KCNE2: variants seen among roughly 807,000 people sequenced by gnomAD.
The protein encoded by KCNE2 is potassium voltage-gated channel subfamily E member 2.
KCNE2 carries 4 observed loss-of-function variants against 4.5 expected under a neutral mutation model. The observed-to-expected ratio is 0.89, with a 90% CI of 0.44 to 2.03. KCNE2 has a LOEUF of 2.03. Among genes scored for constraint, KCNE2 ranks in the 30% most tolerant of loss-of-function variants. KCNE2 has a pLI of 0.03. For synonymous variants in KCNE2, 57 were observed against 55.9 expected (o/e 1.02, Z -0.09); for missense variants, 137 against 151.4 (o/e 0.90, Z 0.50).
At position 34,368,738 on chromosome 21, in the gene KCNE2, T is replaced by C. The variant is rs116609669; in HGVS notation, c.-12-1729T>C. 3.1e-3 allele frequency among the ~76,000 whole-genome samples: 476 copies of C among 152,316 alleles called. 3 individuals carry two copies. The highest frequency in any genetic ancestry group is 0.011 in the African/African-American group (447 of 41,544). On this transcript the variant is annotated intron_variant, in intron 1 of 1. Transcript: ENST00000290310. ...AAACAGAATATAAATGAGTCATTGC[T>C]CCATTTAACTGACATTTGTTGAGTG... is the stretch of plus-strand genomic sequence containing the variant.
At chr21:34,366,840 T>G (rs1979323126) in intron 1 of KCNE2, among the ~76,000 whole-genome samples, 1 of 150,484 alleles carries the variant, frequency 6.6e-6, no homozygotes, top group South Asian at 2.1e-4. Flanking sequence ...TTAGCCGGGC[T>G]TCGTGGCGGG....
At chr21:34,366,780 C>T (rs931920203) in intron 1 of KCNE2, among the ~76,000 whole-genome samples, 6 of 151,626 alleles carry the variant, frequency 4.0e-5, no homozygotes, top group African/African-American at 7.3e-5. Flanking sequence ...GAGATCGAGA[C>T]CATCCTGGCT....
At chr21:34,367,459 G>T (rs1353707836) in intron 1 of KCNE2, among the ~76,000 whole-genome samples, 1 of 152,166 alleles carries the variant, frequency 6.6e-6, no homozygotes, top group Non-Finnish European at 1.5e-5. Flanking sequence ...AATATGCTTG[G>T]TATATACCCT....
intron 1 of KCNE2, among the ~76,000 whole-genome samples, chr21:34,369,277 C>G (rs59680944): frequency 6.6e-6 from 1 of 152,182 alleles, no homozygotes; most frequent in East Asian, 1.9e-4. Context: ...TGGCTGTGCA[C>G]GGTGGCTGAC....
chr21:34,368,448 AC>A (rs1434948427), intron 1 of KCNE2, among the ~76,000 whole-genome samples: 144 of 151,524 alleles, frequency 9.5e-4, no homozygotes, highest in African/African-American at 3.2e-3. Flanking sequence ...AAAATACAAA[AC>A]ATTAGCCAGG....
At chr21:34,367,614 T>C (rs528353053) in intron 1 of KCNE2, among the ~76,000 whole-genome samples, 2 of 152,310 alleles carry the variant, frequency 1.3e-5, no homozygotes, top group South Asian at 4.1e-4. Flanking sequence ...GTGATGGTAA[T>C]TCTCAATGAG....
chr21:34,364,615 C>CA (rs879548059), intron 1 of KCNE2, among the ~76,000 whole-genome samples: 6 of 151,424 alleles, frequency 4.0e-5, no homozygotes, highest in East Asian at 3.9e-4. Context: ...ACTAAAAATA[C>CA]AAAAAAAATT....
rs551483595 is a variant in KCNE2 at position 34,370,911 on chromosome 21, C to G, written c.*61C>G. ...CAGACATGAAGAGATGCCAGTGCCACGAGGCAAATCCAAATTGTCTTTGCT... is the reference window on the plus strand; with the variant it reads ...CAGACATGAAGAGATGCCAGTGCCAGGAGGCAAATCCAAATTGTCTTTGCT... On this transcript the variant is annotated 3_prime_UTR_variant, in exon 2 of 2. Coordinates refer to ENST00000290310, the MANE Select transcript of KCNE2 (RefSeq NM_172201.2). 1 of 1,604,324 alleles carries G rather than the reference C, an allele frequency of 6.2e-7. No homozygotes were observed. The highest frequency in any genetic ancestry group is 2.2e-5 in the East Asian group (1 of 44,842).
Position 34,370,536 on chromosome 21 carries a change from A to G in KCNE2, c.58A>G (p.Ile20Val). Residue 20 changes from isoleucine (I) to valine (V), a missense_variant, in exon 2 of 2, where the codon ATT (isoleucine) becomes GTT (valine). Transcript: ENST00000290310. ...TLEDVFRRIFITYMDNWRQNT... is the reference protein window; with the variant it reads ...TLEDVFRRIFVTYMDNWRQNT... ...GGAAGACGTCTTCCGAAGGATTTTTATTACTTATATGGACAATTGGCGCCA... is the reference window on the plus strand; with the variant it reads ...GGAAGACGTCTTCCGAAGGATTTTTGTTACTTATATGGACAATTGGCGCCA... The G allele has an allele frequency of 1.2e-6, 2 of 1,614,188 alleles. No homozygotes were observed. Among genetic ancestry groups the G allele is most frequent in the East Asian group, 4.5e-5 (2 of 44,894 alleles).
chr21:34,370,705 G>A lies in KCNE2; in HGVS notation c.227G>A (p.Arg76Lys), dbSNP rs748194563. The A allele has an allele frequency of 6.2e-7, 1 of 1,614,212 alleles. No individual in the cohort carries two copies. The highest frequency in any genetic ancestry group is 1.1e-5 in the South Asian group (1 of 91,088). The change falls in exon 2 of 2, where the codon AGA becomes AAA. Residue 76 changes from arginine (R) to lysine (K), a missense_variant. Transcript: ENST00000290310. ...CTGGTGAGCACTGTGAAATCCAAGA[G>A]ACGGGAACACTCCAATGACCCCTAC... ...AILVSTVKSKRREHSNDPYHQ... is the reference protein window; with the variant it reads ...AILVSTVKSKKREHSNDPYHQ...
chr21:34,371,283 A>G lies in KCNE2; in HGVS notation c.*433A>G, dbSNP rs1004166888. The G allele has an allele frequency of 6.1e-5, 14 of 229,722 alleles. No homozygotes were observed. The highest frequency in any genetic ancestry group is 2.6e-5 in the Non-Finnish European group (3 of 114,450). 14.2% of individuals were successfully genotyped at this position (229,722 alleles called of 1,614,324 possible). ...TGTATTATGTAGAAGCTGAGGCTCA[A>G]AAGCTATCACTTGCTTACCAGACGG... On this transcript the variant is annotated 3_prime_UTR_variant, in exon 2 of 2. Transcript: ENST00000290310.
chr21:34,371,018 C>T lies in KCNE2; in HGVS notation c.*168C>T. 1.2e-6 allele frequency: 1 copy of T among 808,112 alleles called. No homozygotes were observed. Among genetic ancestry groups the T allele is most frequent in the South Asian group, 1.7e-5 (1 of 59,928 alleles). The allele number at this position is 808,112 out of a possible 1,614,324, so 50.1% of individuals were successfully genotyped here. On this transcript the variant is annotated 3_prime_UTR_variant, in exon 2 of 2. Transcript: ENST00000290310. ...TGGCCAATAAAGATAGATGACATTTCAATCTCAGTGATTTATGCTTGCTTG... is the reference window on the plus strand; with the variant it reads ...TGGCCAATAAAGATAGATGACATTTTAATCTCAGTGATTTATGCTTGCTTG...
chr21:34,369,831 T>C (rs1037253076), intron 1 of KCNE2, among the ~76,000 whole-genome samples: 2 of 152,214 alleles, frequency 1.3e-5, no homozygotes, highest in Admixed American at 1.3e-4. Flanking sequence ...CTTGGGACAA[T>C]GTGCCACTTA....
chr21:34,369,097 G>T (rs1979469233), intron 1 of KCNE2, among the ~76,000 whole-genome samples: 1 of 152,162 alleles, frequency 6.6e-6, no homozygotes. Flanking sequence ...AAGATGTCAG[G>T]TGTGACCGAA....
Position 34,370,444 on chromosome 21 carries a change from CTATTT to C in KCNE2, c.-12-18_-12-14del, listed in dbSNP as rs772456347. On this transcript the variant is annotated intron_variant, in intron 1 of 1. Coordinates refer to ENST00000290310, the MANE Select transcript of KCNE2 (RefSeq NM_172201.2). ...GATCCGTTTTCCTAACCTTGTTCGC[CTATTT>C]TATTATTTAAATTGCAGCAGGAGGG... The C allele has an allele frequency of 2.4e-5, 38 of 1,614,016 alleles. No individual in the cohort carries two copies. In the South Asian group the frequency reaches 2.4e-4, roughly 10 times the overall value.
intron 1 of KCNE2, among the ~76,000 whole-genome samples, chr21:34,364,646 G>A (rs1055575785): frequency 8.6e-5 from 13 of 152,040 alleles, no homozygotes; most frequent in Admixed American, 5.2e-4. Flanking sequence ...GGTGGCTGGC[G>A]CCTGTAGTCC....
chr21:34,368,559 C>T, intron 1 of KCNE2, among the ~76,000 whole-genome samples: 1 of 152,050 alleles, frequency 6.6e-6, no homozygotes, highest in African/African-American at 2.4e-5. Context: ...AAGATCGCGC[C>T]ACTGCACTCC....
chr21:34,367,237 G>T (rs1266809582), intron 1 of KCNE2, among the ~76,000 whole-genome samples: 1 of 151,350 alleles, frequency 6.6e-6, no homozygotes, highest in Non-Finnish European at 1.5e-5. Context: ...GAAGCAGGGG[G>T]ATCACTTGAG....
Position 34,370,890 on chromosome 21 carries a change from C to T in KCNE2, c.*40C>T, listed in dbSNP as rs1252434680. 3.1e-6 allele frequency: 5 copies of T among 1,612,448 alleles called. No homozygotes were observed. In the South Asian group the frequency reaches 5.5e-5, roughly 18 times the overall value. Reference sequence around the variant, plus strand: ...ACCAAGCTAACATCTGACGTCCAGACATGAAGAGATGCCAGTGCCACGAGG... The same window carrying T: ...ACCAAGCTAACATCTGACGTCCAGATATGAAGAGATGCCAGTGCCACGAGG... On this transcript the variant is annotated 3_prime_UTR_variant, in exon 2 of 2. Coordinates refer to ENST00000290310, the MANE Select transcript of KCNE2 (RefSeq NM_172201.2).
Sources: gnomAD v4.1 joint callset for allele counts (sites outside exome capture counted in the v4.1 genomes callset) on GRCh38, gnomAD v4.1.1 for gene constraint, MANE v1.5 for transcripts, NCBI Gene and HGNC (gene_info 2026-07-23, HGNC 2026-07-21) for gene names.